HTT: variants seen among roughly 807,000 people sequenced by gnomAD.
HTT encodes the protein huntingtin.
Under a neutral mutation model 362.3 loss-of-function variants are expected in HTT, and 104 were observed. That is an observed-to-expected ratio of 0.29 (90% CI 0.24 to 0.34). The LOEUF (loss-of-function observed/expected upper bound fraction) is 0.34. Ranked by LOEUF, HTT falls within the 10% of genes least tolerant of loss-of-function variation. The pLI is 1.00. For synonymous variants in HTT, 1,577 were observed against 1,548.7 expected, an observed-to-expected ratio of 1.02 and a Z score of -0.43; for missense variants, 3,301 against 3,928.6, an observed-to-expected ratio of 0.84 and a Z score of 4.27.
At chr4:3,200,532 C>G (rs963736491) in intron 41 of HTT, among the ~76,000 whole-genome samples, 3 of 152,140 alleles carry the variant, frequency 2.0e-5, no homozygotes, top group Non-Finnish European at 4.4e-5. Context: ...CAACCCTGGC[C>G]CCCGCCCAGC....
At position 3,086,941 on chromosome 4, in the gene HTT, A is replaced by G. The variant is rs748879296; in HGVS notation, c.266A>G (p.Lys89Arg). The G allele has an allele frequency of 7.0e-6, 11 of 1,581,928 alleles. No individual in the cohort carries two copies. The African/African-American group carries it at 1.3e-4, about 19-fold the overall frequency. Reference sequence around the variant, plus strand: ...TTCCTTCTTTTTTTTATTTTTAGAAAGAAAGAACTTTCAGCTACCAAGAAA... The same window carrying G: ...TTCCTTCTTTTTTTTATTTTTAGAAGGAAAGAACTTTCAGCTACCAAGAAA... The part of the protein sequence containing the change: ...AVAEEPLHRP[K>R]KELSATKKDR... The change falls in exon 2 of 67, where the codon AAG (lysine) becomes AGG (arginine). Residue 89 changes from lysine to arginine, a missense_variant and splice_region_variant. Physicochemically the swap from Lys to Arg is conservative, Grantham distance 26. Around this residue, in one of 4 missense-constraint regions of HTT, gnomAD observed 2,316 missense variants for 2,658.5 expected, o/e 0.87. Transcript: ENST00000355072.
At chr4:3,177,479 G>T in intron 34 of HTT, 92 bp downstream of exon 34, 1 of 826,964 alleles carries the variant, frequency 1.2e-6, no homozygotes. Flanking sequence ...ACTACTGTTA[G>T]GCATTTTTGC....
At chr4:3,229,427 AACCACACACATGC>A (rs1019757411) in intron 59 of HTT, among the ~76,000 whole-genome samples, 24 of 140,814 alleles carry the variant, frequency 1.7e-4, no homozygotes, top group Admixed American at 1.5e-3. Context: ...CACAGCACAC[AACCACACACATGC>A]ACCACACACA....
chr4:3,204,650 G>A (rs1719765413), intron 42 of HTT, among the ~76,000 whole-genome samples: 1 of 152,030 alleles, frequency 6.6e-6, no homozygotes, highest in Admixed American at 6.6e-5. Flanking sequence ...TATGGTGTGA[G>A]ACACCCATCT....
Position 3,206,863 on chromosome 4 carries a change from G to T in HTT, c.5955G>T (p.Ser1985=), listed in dbSNP as rs369232462. 1.2e-6 allele frequency: 2 copies of T among 1,613,442 alleles called. No individual in the cohort carries two copies. The highest frequency in any genetic ancestry group is 1.1e-5 in the South Asian group (1 of 91,066). The change falls in exon 44 of 67, where the codon TCG becomes TCT. Residue 1985 remains serine, a synonymous_variant. Coordinates refer to ENST00000355072, the MANE Select transcript of HTT (RefSeq NM_001388492.1). This position sits in a 1 kb window ranked among gnomAD's most constrained non-coding sequence, Gnocchi z 4.6. ...TGGAGGGGATCCATCTCAGCCAGTC[G>T]GGAGCTGTGCTCACGCTGTATGTGG... ...QCLEGIHLSQ[S]GAVLTLYVDR...
chr4:3,117,448 T>G (rs916478652), intron 8 of HTT, among the ~76,000 whole-genome samples: 1 of 152,210 alleles, frequency 6.6e-6, no homozygotes, highest in African/African-American at 2.4e-5. Context: ...CCTTTTTTTA[T>G]TATTTGAAAG....
intron 52 of HTT, among the ~76,000 whole-genome samples, chr4:3,219,056 G>A (rs1044741576): frequency 6.6e-6 from 1 of 152,242 alleles, no homozygotes; most frequent in Non-Finnish European, 1.5e-5. Flanking sequence ...AGGTATTCCA[G>A]ATGGCGGGCT....
intron 11 of HTT, among the ~76,000 whole-genome samples, chr4:3,126,717 A>G (rs1485361007): frequency 6.6e-6 from 1 of 152,212 alleles, no homozygotes. Flanking sequence ...ATTTTTATAT[A>G]GCCTTTTTTG....
chr4:3,231,316 A>G (rs904264233), intron 60 of HTT, among the ~76,000 whole-genome samples: 3 of 151,860 alleles, frequency 2.0e-5, no homozygotes, highest in African/African-American at 7.3e-5. Flanking sequence ...AGGAACGACA[A>G]TGCTGTCATG....
chr4:3,137,425 C>T (rs59613878), intron 21 of HTT, among the ~76,000 whole-genome samples: 35,376 of 151,898 alleles, frequency 0.23, 5,345 homozygotes, highest in East Asian at 0.4. Context: ...TGTGTTTTCG[C>T]CAGGCGCTCA....
intron 8 of HTT, 148 bp downstream of exon 8, chr4:3,116,411 T>C: frequency 1.6e-6 from 1 of 635,310 alleles, no homozygotes. Flanking sequence ...GGTGCTGACC[T>C]CTAGCTGTCT....
At chr4:3,145,667 A>G in intron 24 of HTT, among the ~76,000 whole-genome samples, 1 of 152,254 alleles carries the variant, frequency 6.6e-6, no homozygotes, top group East Asian at 1.9e-4. Flanking sequence ...CCTCCAGTAG[A>G]TGGCCCTACT....
At chr4:3,178,513 A>T (rs1307172983) in intron 35 of HTT, 67 bp downstream of exon 35, 2 of 1,447,342 alleles carry the variant, frequency 1.4e-6, no homozygotes, top group African/African-American at 2.8e-5. Flanking sequence ...TCGTTTTCAT[A>T]TACCCACTTT....
intron 60 of HTT, among the ~76,000 whole-genome samples, chr4:3,231,749 T>C (rs1244648701): frequency 6.6e-6 from 1 of 152,162 alleles, no homozygotes; most frequent in Non-Finnish European, 1.5e-5. Flanking sequence ...TCAAAGCGGC[T>C]CTTGGAAGGG....
rs1560534581 is a variant in HTT, at chr4:3,074,681, G to A, written c.-145G>A. 2.5e-6 allele frequency: 2 copies of A among 787,356 alleles called. No individual in the cohort carries two copies. Among genetic ancestry groups the A allele is most frequent in the Non-Finnish European group, 3.5e-6 (2 of 564,898 alleles). The allele number at this position is 787,356 out of a possible 1,614,324, so 48.8% of individuals were successfully genotyped here. ...GTCTGGGACGCAAGGCGCCGTGGGGGCTGCCGGGACGGGTCCAAGATGGAC... is the reference window on the plus strand; with the variant it reads ...GTCTGGGACGCAAGGCGCCGTGGGGACTGCCGGGACGGGTCCAAGATGGAC... On this transcript the variant is annotated 5_prime_UTR_variant, in exon 1 of 67. Transcript: ENST00000355072.
chr4:3,238,561 G>C lies in HTT; in HGVS notation c.9006G>C (p.Leu3002=). The C allele has an allele frequency of 1.2e-6, 2 of 1,613,100 alleles. No homozygotes were observed. Among genetic ancestry groups the C allele is most frequent in the Non-Finnish European group, 1.7e-6 (2 of 1,179,522 alleles). The change falls in exon 65 of 67, where the codon CTG becomes CTC. Residue 3002 remains leucine (L), a synonymous_variant. Transcript: ENST00000355072. Reference sequence around the variant, plus strand: ...TGAACAAAGTCATCGGAGAGTTTCTGTCCAACCAGCAGCCATACCCCCAGT... The same window carrying C: ...TGAACAAAGTCATCGGAGAGTTTCTCTCCAACCAGCAGCCATACCCCCAGT... ...DIMNKVIGEF[L]SNQQPYPQFM...
chr4:3,132,253 T>G (rs549396019), intron 16 of HTT, among the ~76,000 whole-genome samples: 47 of 152,330 alleles, frequency 3.1e-4, no homozygotes, highest in Admixed American at 2.5e-3. Flanking sequence ...AAGTGTGTAA[T>G]AGGGTTTTTT....
At chr4:3,166,432 G>T (rs1019625607) in intron 29 of HTT, among the ~76,000 whole-genome samples, 30 of 152,240 alleles carry the variant, frequency 2.0e-4, no homozygotes, top group Middle Eastern at 3.2e-3. Flanking sequence ...CGTACCGGGA[G>T]AACCACTGCT....
chr4:3,158,029 G>A (rs1388553894), intron 28 of HTT, among the ~76,000 whole-genome samples: 1 of 140,718 alleles, frequency 7.1e-6, no homozygotes, highest in African/African-American at 2.7e-5. Flanking sequence ...GTCTTGCTCT[G>A]TCCCCAGGTT....
Sources: gnomAD v4.1 joint callset for allele counts (sites outside exome capture counted in the v4.1 genomes callset) on GRCh38, gnomAD v4.1.1 for gene constraint, gnomAD v4.1.1 regional missense constraint, Gnocchi (gnomAD v3.1) non-coding constraint, MANE v1.5 for transcripts, NCBI Gene and HGNC (gene_info 2026-07-23, HGNC 2026-07-21) for gene names.